TOP1: variants seen among roughly 807,000 people sequenced by gnomAD.
The protein encoded by TOP1 is DNA topoisomerase 1.
Under a neutral mutation model 111.1 loss-of-function variants are expected in TOP1, and 10 were observed. The observed-to-expected ratio is 0.09, with a 90% CI of 0.06 to 0.15. The LOEUF (loss-of-function observed/expected upper bound fraction) is 0.15, where lower values mean the gene tolerates loss of function less well. TOP1 is among the 10% of genes least tolerant of loss of function. The pLI, the probability that TOP1 is intolerant of heterozygous loss-of-function variation, is 1.00. For missense variants in TOP1, 474 were observed against 926.7 expected, an observed-to-expected ratio of 0.51 and a Z score of 6.34; for synonymous variants, 271 against 302.9, an observed-to-expected ratio of 0.89 and a Z score of 1.10.
Position 41,092,336 on chromosome 20 carries a change from G to A in TOP1, c.615-136G>A. 1 of 470,804 alleles carries A rather than the reference G, an allele frequency of 2.1e-6. No homozygotes were observed. 29.2% of individuals were successfully genotyped at this position (470,804 alleles called of 1,614,324 possible). A position where few individuals can be genotyped will look rare whatever the true frequency, so the allele number is the denominator to read the frequency against. ...GAGAGACACTGGTTCTTTTGATCCA[G>A]GCCTTGAATGTGAGGCCCAGAAGTC... On this transcript the variant is annotated intron_variant, in intron 8 of 20. Transcript: ENST00000361337. This position sits in a 1 kb window ranked among gnomAD's most constrained non-coding sequence, Gnocchi z 4.3.
chr20:41,094,226 T>A lies in TOP1; in HGVS notation c.730+1639T>A, dbSNP rs879934143. ...CAAATGCTTATGTTATGTAAACATT[T>A]TGACCTGTTGACCAGAGAGCCTAAG... On this transcript the variant is annotated intron_variant, in intron 9 of 20. Coordinates refer to ENST00000361337, the MANE Select transcript of TOP1 (RefSeq NM_003286.4). This position sits in a 1 kb window ranked among gnomAD's most constrained non-coding sequence, Gnocchi z 4.4. Among the ~76,000 whole-genome samples, 1 of 152,186 alleles carries A rather than the reference T, an allele frequency of 6.6e-6. No individual in the cohort carries two copies. The highest frequency in any genetic ancestry group is 2.4e-5 in the African/African-American group (1 of 41,440).
chr20:41,053,008 ACT>A (rs939569745), intron 2 of TOP1, among the ~76,000 whole-genome samples: 14 of 152,124 alleles, frequency 9.2e-5, no homozygotes, highest in Admixed American at 8.5e-4. Flanking sequence ...ACAAAAAAAA[ACT>A]CTGTTTTGGA....
Position 41,121,388 on chromosome 20 carries a change from C to T in TOP1, c.1951-308C>T, listed in dbSNP as rs1316104245. 1.3e-5 allele frequency among the ~76,000 whole-genome samples: 2 copies of T among 152,208 alleles called. No homozygotes were observed. Among genetic ancestry groups the T allele is most frequent in the South Asian group, 2.1e-4 (1 of 4,828 alleles). ...TGTAGCCATCCTCCCAGATGTATGA[C>T]AGCAGAGTGTTCTCTGATGGAAAGA... is the stretch of plus-strand genomic sequence containing the variant. On this transcript the variant is annotated intron_variant, in intron 18 of 20. Transcript: ENST00000361337. This position sits in a 1 kb window ranked among gnomAD's most constrained non-coding sequence, Gnocchi z 4.2.
intron 3 of TOP1, among the ~76,000 whole-genome samples, chr20:41,074,942 T>C (rs987858860): frequency 6.6e-6 from 1 of 152,226 alleles, no homozygotes; most frequent in Non-Finnish European, 1.5e-5. Flanking sequence ...CACATGCATG[T>C]TTTTACATAG....
chr20:41,048,807 A>G (rs904403891), intron 2 of TOP1, among the ~76,000 whole-genome samples: 4 of 152,236 alleles, frequency 2.6e-5, no homozygotes, highest in African/African-American at 9.6e-5. Flanking sequence ...ATTTTTAAAT[A>G]TAATTAATTG....
At position 41,061,272 on chromosome 20, in the gene TOP1, T is replaced by C; in HGVS notation, c.59-122T>C. On this transcript the variant is annotated intron_variant, in intron 2 of 20. Coordinates refer to ENST00000361337, the MANE Select transcript of TOP1 (RefSeq NM_003286.4). The surrounding 1 kb of genome is among the most constrained non-coding windows in gnomAD (Gnocchi z 4.6). Reference sequence around the variant, plus strand: ...GAAAGCTTTTTTTTTCAGTGGCATGTGCTATTATGCCTACCATGCCATTTG... The same window carrying C: ...GAAAGCTTTTTTTTTCAGTGGCATGCGCTATTATGCCTACCATGCCATTTG... The C allele has an allele frequency of 2.4e-6, 2 of 835,030 alleles. No individual in the cohort carries two copies. Among genetic ancestry groups the C allele is most frequent in the South Asian group, 4.4e-5 (2 of 45,274 alleles). 51.7% of individuals were successfully genotyped at this position (835,030 alleles called of 1,614,324 possible).
chr20:41,113,725 AAAAAAAAT>A (rs1357914772), intron 14 of TOP1, among the ~76,000 whole-genome samples: 2 of 151,326 alleles, frequency 1.3e-5, no homozygotes, highest in Non-Finnish European at 2.9e-5. Context: ...CAAAAAAAAA[AAAAAAAAT>A]AAAAATTGGC....
chr20:41,043,827 A>G (rs917781450), intron 2 of TOP1, among the ~76,000 whole-genome samples: 1 of 152,236 alleles, frequency 6.6e-6, no homozygotes, highest in Non-Finnish European at 1.5e-5. Flanking sequence ...GCCTACAGGA[A>G]TGGGCCTGCC....
chr20:41,050,276 C>A (rs2033388650), intron 2 of TOP1, among the ~76,000 whole-genome samples: 2 of 152,214 alleles, frequency 1.3e-5, no homozygotes, highest in African/African-American at 4.8e-5. Context: ...CCTTGGCCTC[C>A]CAAAGTGCTG....
At position 41,097,473 on chromosome 20, in the gene TOP1, C is replaced by A; in HGVS notation, c.852+132C>A. 4.2e-6 allele frequency: 4 copies of A among 946,206 alleles called. No homozygotes were observed. The highest frequency in any genetic ancestry group is 6.1e-6 in the Non-Finnish European group (4 of 653,344). 58.6% of individuals were successfully genotyped at this position (946,206 alleles called of 1,614,324 possible). On this transcript the variant is annotated intron_variant, in intron 10 of 20. Coordinates refer to ENST00000361337, the MANE Select transcript of TOP1 (RefSeq NM_003286.4). The surrounding 1 kb of genome is among the most constrained non-coding windows in gnomAD (Gnocchi z 4.2). ...ATGGATTTTGTTGTATTTAAACTTG[C>A]GTATTTTTTGTCTTCATTTACTATA... is the stretch of plus-strand genomic sequence containing the variant.
chr20:41,097,771 T>A lies in TOP1; in HGVS notation c.852+430T>A, dbSNP rs1280112233. On this transcript the variant is annotated intron_variant, in intron 10 of 20. Coordinates refer to ENST00000361337, the MANE Select transcript of TOP1 (RefSeq NM_003286.4). This position sits in a 1 kb window ranked among gnomAD's most constrained non-coding sequence, Gnocchi z 4.2. ...ATATACTATATTTGCCTAGGTGATT[T>A]TTTAAAATCTCATTATTCTCAATTT... Among the ~76,000 whole-genome samples the A allele has an allele frequency of 6.6e-6, 1 of 152,232 alleles. No homozygotes were observed. Among genetic ancestry groups the A allele is most frequent in the African/African-American group, 2.4e-5 (1 of 41,464 alleles).
At chr20:41,072,797 T>G in intron 3 of TOP1, 1 of 985,398 alleles carries the variant, frequency 1.0e-6, no homozygotes, top group Non-Finnish European at 1.2e-6. Flanking sequence ...TTTCTAACAG[T>G]CTCCAATGTA....
At chr20:41,087,434 A>G (rs1437406284) in intron 8 of TOP1, among the ~76,000 whole-genome samples, 1 of 152,240 alleles carries the variant, frequency 6.6e-6, no homozygotes, top group Non-Finnish European at 1.5e-5. Flanking sequence ...CTTCATAAAG[A>G]ATTACCTGGC....
At position 41,061,245 on chromosome 20, in the gene TOP1, G is replaced by A. The variant is rs2033540537; in HGVS notation, c.59-149G>A. ...ATGGGAGCTTTGTCTGGGCTTCTTT[G>A]TGAAAGCTTTTTTTTTCAGTGGCAT... is the stretch of plus-strand genomic sequence containing the variant. On this transcript the variant is annotated intron_variant, in intron 2 of 20. Transcript: ENST00000361337. The surrounding 1 kb of genome is among the most constrained non-coding windows in gnomAD (Gnocchi z 4.6). 1 of 690,976 alleles carries A rather than the reference G, an allele frequency of 1.4e-6. No individual in the cohort carries two copies. The highest frequency in any genetic ancestry group is 1.8e-5 in the African/African-American group (1 of 56,460). The allele number at this position is 690,976 out of a possible 1,614,324, so 42.8% of individuals were successfully genotyped here. A position where few individuals can be genotyped will look rare whatever the true frequency, so the allele number is the denominator to read the frequency against.
rs892212302 is a variant in TOP1, at chr20:41,103,110, T to C, written c.1308+1757T>C. ...TTGTGGATATACTACTAAATGTCAC[T>C]AGTGGTAAATGGTATCAATGCATAT... On this transcript the variant is annotated intron_variant, in intron 13 of 20. Transcript: ENST00000361337. Among the ~76,000 whole-genome samples the C allele has an allele frequency of 2.0e-5, 3 of 152,210 alleles. No individual in the cohort carries two copies. In the East Asian group the frequency reaches 5.8e-4, roughly 29 times the overall value.
chr20:41,099,634 TAAA>T (rs1033243202), intron 11 of TOP1, among the ~76,000 whole-genome samples: 1 of 152,202 alleles, frequency 6.6e-6, no homozygotes, highest in African/African-American at 2.4e-5. Context: ...TGTCTGAGCT[TAAA>T]AACCCACGTT....
At position 41,029,483 on chromosome 20, in the gene TOP1, G is replaced by T; in HGVS notation, c.58+28G>T. On this transcript the variant is annotated intron_variant, in intron 2 of 20. Transcript: ENST00000361337. The surrounding 1 kb of genome is among the most constrained non-coding windows in gnomAD (Gnocchi z 6.1). The stretch of plus-strand genomic sequence containing the variant: ...GAGTGTGCCCCCTGCGCCGACTCCG[G>T]GGCCCCCCAGCCGCCGGCCGCCTCC... 6.4e-7 allele frequency: 1 copy of T among 1,552,806 alleles called. No individual in the cohort carries two copies. The highest frequency in any genetic ancestry group is 8.7e-7 in the Non-Finnish European group (1 of 1,151,064).
At chr20:41,048,215 G>A (rs1015493347) in intron 2 of TOP1, among the ~76,000 whole-genome samples, 1 of 152,112 alleles carries the variant, frequency 6.6e-6, no homozygotes, top group Non-Finnish European at 1.5e-5. Context: ...ATTTTTGTAG[G>A]TGGCTCGTAT....
intron 3 of TOP1, among the ~76,000 whole-genome samples, chr20:41,064,445 T>C (rs1040126947): frequency 6.6e-6 from 1 of 152,232 alleles, no homozygotes; most frequent in Non-Finnish European, 1.5e-5. Flanking sequence ...TCCATCTTTC[T>C]GGCCACCTTT....
Sources: allele counts gnomAD v4.1 joint callset (sites outside exome capture counted in the v4.1 genomes callset), GRCh38; gene constraint gnomAD v4.1.1; non-coding constraint Gnocchi (gnomAD v3.1); transcripts MANE v1.5; gene names NCBI Gene and HGNC (gene_info 2026-07-23, HGNC 2026-07-21).